CHD9: variants seen among roughly 807,000 people sequenced by gnomAD.
The protein encoded by CHD9 is chromodomain helicase DNA binding protein 9.
A neutral mutation model predicts 316.1 loss-of-function variants in CHD9; 77 were observed. The observed-to-expected ratio is 0.24, with a 90% CI of 0.20 to 0.29. CHD9 has a LOEUF of 0.29. CHD9 is among the 10% of genes least tolerant of loss of function. The probability of loss-of-function intolerance (pLI) is 1.00; values close to 1 mark genes in which losing one functional copy is unlikely to be tolerated. For missense variants in CHD9, 2,763 were observed against 3,438.1 expected (o/e 0.80, Z 4.91); for synonymous variants, 1,129 against 1,158.3 (o/e 0.97, Z 0.51).
chr16:53,106,928 A>C (rs563525902), intron 1 of CHD9, among the ~76,000 whole-genome samples: 2 of 152,352 alleles, frequency 1.3e-5, no homozygotes, highest in South Asian at 4.1e-4. Flanking sequence ...GAATACAAGA[A>C]AATCATTTTT....
At position 53,289,367 on chromosome 16, in the gene CHD9, C is replaced by A. The variant is rs529329621; in HGVS notation, c.5247+1353C>A. On this transcript the variant is annotated intron_variant, in intron 27 of 38. Transcript: ENST00000447540. ...CCCAGGAGTTCAAGACCAACCTGAG[C>A]AATATAATGGGACCCCATCTCTAAA... is the stretch of plus-strand genomic sequence containing the variant. Among the ~76,000 whole-genome samples the A allele has an allele frequency of 3.1e-3, 477 of 151,768 alleles. 4 individuals are homozygous for A. Among genetic ancestry groups the A allele is most frequent in the African/African-American group, 0.011 (450 of 41,366 alleles).
chr16:53,251,249 C>T (rs2050102762), intron 17 of CHD9, among the ~76,000 whole-genome samples: 1 of 152,296 alleles, frequency 6.6e-6, no homozygotes, highest in East Asian at 1.9e-4. Flanking sequence ...TTCCCAATTC[C>T]TACATTAAAC....
At chr16:53,249,424 G>A (rs1252058965) in intron 16 of CHD9, among the ~76,000 whole-genome samples, 1 of 152,170 alleles carries the variant, frequency 6.6e-6, no homozygotes, top group Non-Finnish European at 1.5e-5. Context: ...CAGCATTCCA[G>A]TGTATTCTTA....
intron 1 of CHD9, among the ~76,000 whole-genome samples, chr16:53,058,135 T>A (rs2032385154): frequency 6.6e-6 from 1 of 152,156 alleles, no homozygotes; most frequent in Admixed American, 6.5e-5. Flanking sequence ...GTTTTTGTTT[T>A]TTTGAGATGG....
chr16:53,064,016 G>C (rs1394004276), intron 1 of CHD9, among the ~76,000 whole-genome samples: 4 of 149,454 alleles, frequency 2.7e-5, no homozygotes, highest in African/African-American at 9.9e-5. Flanking sequence ...TTTTTTTTTG[G>C]TAGAAACAGG....
At chr16:53,204,046 A>G (rs867514849) in intron 2 of CHD9, among the ~76,000 whole-genome samples, 1 of 89,880 alleles carries the variant, frequency 1.1e-5, no homozygotes. Flanking sequence ...AAAAAAAAAA[A>G]AAATATATAT....
chr16:53,313,617 A>ATTTG (rs981089599), intron 34 of CHD9, among the ~76,000 whole-genome samples: 4 of 151,714 alleles, frequency 2.6e-5, no homozygotes, highest in Non-Finnish European at 5.9e-5. Context: ...AAAGTTTAAC[A>ATTTG]TTTGTTTGTT....
chr16:53,314,380 CT>C lies in CHD9; in HGVS notation c.7228del (p.Ser2410ProfsTer11). On this transcript the variant is annotated frameshift_variant, in exon 35 of 39. Coordinates refer to ENST00000447540, the MANE Select transcript of CHD9 (RefSeq NM_001308319.2). LOFTEE classifies it high-confidence loss of function. ...TTTGCATTTTTAATTCAATTAGGTACTTCCATTCAACCAACCCTTGGTGCCA... is the reference window on the plus strand; with the variant it reads ...TTTGCATTTTTAATTCAATTAGGTACTCCATTCAACCAACCCTTGGTGCCA... The part of the protein sequence containing the change: ...NFPKSIPVSG[T>X]SIQPTLGANG... 6.4e-7 allele frequency: 1 copy of C among 1,561,262 alleles called. No homozygotes were observed. Among genetic ancestry groups the C allele is most frequent in the South Asian group, 1.2e-5 (1 of 81,842 alleles).
chr16:53,313,062 A>T (rs2056599435), intron 34 of CHD9, among the ~76,000 whole-genome samples: 2 of 152,206 alleles, frequency 1.3e-5, no homozygotes, highest in African/African-American at 4.8e-5. Flanking sequence ...TAAAATATCT[A>T]TTAGAAAAAT....
intron 1 of CHD9, among the ~76,000 whole-genome samples, chr16:53,091,566 C>G (rs1052171565): frequency 6.6e-6 from 1 of 152,164 alleles, no homozygotes; most frequent in Non-Finnish European, 1.5e-5. Context: ...AGACCCCTGC[C>G]GTAGTTACTC....
intron 36 of CHD9, among the ~76,000 whole-genome samples, chr16:53,315,537 G>A (rs1337986172): frequency 1.3e-5 from 2 of 152,148 alleles, no homozygotes; most frequent in Non-Finnish European, 2.9e-5. Context: ...GGAGTGCAGT[G>A]ACGTGATCTC....
At chr16:53,138,617 A>G (rs1190859548) in intron 1 of CHD9, among the ~76,000 whole-genome samples, 1 of 152,236 alleles carries the variant, frequency 6.6e-6, no homozygotes, top group Non-Finnish European at 1.5e-5. Flanking sequence ...ATGGGGACAC[A>G]TGGACAATTA....
intron 12 of CHD9, among the ~76,000 whole-genome samples, chr16:53,241,912 C>G (rs2049134475): frequency 6.6e-6 from 1 of 152,178 alleles, no homozygotes; most frequent in Non-Finnish European, 1.5e-5. Flanking sequence ...GTGTCTTGCT[C>G]AGAGCCAAAA....
At chr16:53,218,873 G>T (rs1894568787) in intron 3 of CHD9, among the ~76,000 whole-genome samples, 1 of 152,196 alleles carries the variant, frequency 6.6e-6, no homozygotes, top group Non-Finnish European at 1.5e-5. Context: ...GTTGGAGATT[G>T]ATAGCAAGTA....
At chr16:53,140,657 A>G (rs1365513212) in intron 1 of CHD9, among the ~76,000 whole-genome samples, 2 of 152,148 alleles carry the variant, frequency 1.3e-5, no homozygotes, top group Admixed American at 6.5e-5. Context: ...CATCGATCGT[A>G]GCTCACTGCA....
At position 53,267,952 on chromosome 16, in the gene CHD9, T is replaced by G. The variant is rs780418130; in HGVS notation, c.4543T>G (p.Ser1515Ala). The G allele has an allele frequency of 6.2e-7, 1 of 1,613,558 alleles. No individual in the cohort carries two copies. The highest frequency in any genetic ancestry group is 1.7e-5 in the Admixed American group (1 of 59,982). The change falls in exon 22 of 39, where the codon TCT (serine) becomes GCT (alanine). Residue 1515 changes from serine to alanine, a missense_variant. Around this residue, in one of 15 missense-constraint regions of CHD9, gnomAD observed 99 missense variants for 131.6 expected, o/e 0.75. Coordinates refer to ENST00000447540, the MANE Select transcript of CHD9 (RefSeq NM_001308319.2). ...YGWGRWREIL[S>A]HGRFKRQLNE... ...GTGGGGCCGATGGAGAGAGATTCTATCTCATGGCCGTTTCAAAAGGCAGCT... is the reference window on the plus strand; with the variant it reads ...GTGGGGCCGATGGAGAGAGATTCTAGCTCATGGCCGTTTCAAAAGGCAGCT...
intron 36 of CHD9, among the ~76,000 whole-genome samples, chr16:53,317,089 G>C (rs1410607454): frequency 2.0e-5 from 3 of 149,922 alleles, no homozygotes; most frequent in Non-Finnish European, 4.4e-5. Context: ...CCAGCTACTC[G>C]AGAGGCTGAG....
chr16:53,084,064 G>C (rs539642739), intron 1 of CHD9, among the ~76,000 whole-genome samples: 2 of 151,888 alleles, frequency 1.3e-5, no homozygotes, highest in East Asian at 3.9e-4. Flanking sequence ...ACTAATTTTT[G>C]AATTTTTTTG....
At chr16:53,144,977 A>G (rs909424807) in intron 1 of CHD9, among the ~76,000 whole-genome samples, 2 of 148,026 alleles carry the variant, frequency 1.4e-5, no homozygotes, top group Non-Finnish European at 3.0e-5. Context: ...CCTGGGCAAC[A>G]AAGCAAGACC....
Sources: gnomAD v4.1 joint callset for allele counts (sites outside exome capture counted in the v4.1 genomes callset) on GRCh38, gnomAD v4.1.1 for gene constraint, gnomAD v4.1.1 regional missense constraint, MANE v1.5 for transcripts, NCBI Gene and HGNC (gene_info 2026-07-23, HGNC 2026-07-21) for gene names.